NPHS1: variants seen among roughly 807,000 people sequenced by gnomAD.
The protein encoded by NPHS1 is nephrin.
In NPHS1, 107 loss-of-function variants were observed where a neutral mutation model predicts 139.7. That is an observed-to-expected ratio of 0.77 (90% CI 0.66 to 0.90). The LOEUF is 0.90. NPHS1 is among the 40% of genes least tolerant of loss of function. The probability of loss-of-function intolerance (pLI) is 0.00; values close to 1 mark genes in which losing one functional copy is unlikely to be tolerated. For synonymous variants in NPHS1, 707 were observed against 706.6 expected (o/e 1.00, Z -0.01); for missense variants, 1,580 against 1,654.2 (o/e 0.96, Z 0.78).
At position 35,831,499 on chromosome 19, in the gene NPHS1, GC is replaced by G; in HGVS notation, c.3287del (p.Gly1096AlafsTer47). The stretch of plus-strand genomic sequence containing the variant: ...ACCCTGCCTCTGTCTTCTCTGAGAT[GC>G]CTGAAGGAAACAGGAATAAAGGGCT... ...WQRRLRRLAEGISEKTEAGSE... is the reference protein window; with the variant it reads ...WQRRLRRLAEXISEKTEAGSE... On this transcript the variant is annotated frameshift_variant and splice_region_variant, in exon 25 of 29. Coordinates refer to ENST00000378910, the MANE Select transcript of NPHS1 (RefSeq NM_004646.4). LOFTEE classifies it high-confidence loss of function. 6.2e-7 allele frequency: 1 copy of G among 1,613,870 alleles called. No homozygotes were observed.
At chr19:35,836,764 G>T (rs554322981) in intron 22 of NPHS1, among the ~76,000 whole-genome samples, 2 of 152,092 alleles carry the variant, frequency 1.3e-5, no homozygotes, top group Admixed American at 6.6e-5. Context: ...AGAGACTGAG[G>T]CAGGTGGATC....
Position 35,835,293 on chromosome 19 carries a change from CTTTTTTTT to C in NPHS1, c.3166+404_3166+411del, listed in dbSNP as rs34868479. The stretch of plus-strand genomic sequence containing the variant: ...CAATTCTGCAGGGACAGAACTAAGT[CTTTTTTTT>C]TTTTTTTTTTTTTTTTGAGATAGGG... On this transcript the variant is annotated intron_variant, in intron 23 of 28. Transcript: ENST00000378910. Among the ~76,000 whole-genome samples, 5 of 38,096 alleles carry C rather than the reference CTTTTTTTT, an allele frequency of 1.3e-4. No individual in the cohort carries two copies. In the Admixed American group the frequency reaches 1.4e-3, roughly 11 times the overall value. The allele number at this position is 38,096 out of a possible 152,430, so 25.0% of individuals were successfully genotyped here.
At chr19:35,847,911 C>T in intron 11 of NPHS1, 130 bp downstream of exon 11, 1 of 986,152 alleles carries the variant, frequency 1.0e-6, no homozygotes, top group Non-Finnish European at 1.5e-6. Flanking sequence ...CCTGCCAAAC[C>T]TCAGAATCTT....
At chr19:35,835,842 C>T (rs2146812349) in intron 22 of NPHS1, 81 bp from the exon 23 acceptor site, 1 of 1,267,286 alleles carries the variant, frequency 7.9e-7, no homozygotes, top group Middle Eastern at 1.8e-4. Flanking sequence ...TCTTCTTAAG[C>T]CTATTAGATT....
chr19:35,848,484 G>A lies in NPHS1; in HGVS notation c.1171-87C>T, dbSNP rs1035096375. ...CTGAGTCCATCCCAGTCCCCAGCAG[G>A]GACACAGGAGACATCTCTACCTCCC... is the stretch of plus-strand genomic sequence containing the variant. On this transcript the variant is annotated intron_variant, in intron 9 of 28. Transcript: ENST00000378910. 13 of 1,598,948 alleles carry A rather than the reference G, an allele frequency of 8.1e-6. No individual in the cohort carries two copies. In the East Asian group the frequency reaches 1.8e-4, roughly 22 times the overall value.
chr19:35,850,841 C>A (rs1318329914), intron 4 of NPHS1, 120 bp downstream of exon 4: 2 of 1,302,512 alleles, frequency 1.5e-6, no homozygotes, highest in Non-Finnish European at 2.1e-6. Context: ...TCTCCTGGGT[C>A]CCCATCCCAG....
intron 8 of NPHS1, 82 bp downstream of exon 8, chr19:35,848,894 C>A: frequency 6.2e-7 from 1 of 1,610,808 alleles, no homozygotes; most frequent in Non-Finnish European, 8.5e-7. Flanking sequence ...TCTTTGGCAT[C>A]CAGTAGGCAT....
In NPHS1 at chr19:35,839,565, GT is replaced by G; in HGVS notation, c.2857del (p.Thr953ProfsTer48). The G allele has an allele frequency of 6.2e-7, 1 of 1,614,206 alleles. No individual in the cohort carries two copies. Among genetic ancestry groups the G allele is most frequent in the Non-Finnish European group, 8.5e-7 (1 of 1,180,040 alleles). On this transcript the variant is annotated frameshift_variant, in exon 21 of 29. Transcript: ENST00000378910. LOFTEE classifies it high-confidence loss of function. ...PPSGLKVVSLTPHSVGLEWKP... is the reference protein window; with the variant it reads ...PPSGLKVVSLXPHSVGLEWKP... ...CCACTCCAGCCCCACGGAGTGTGGG[GT>G]CAGACTCACAACCTTTAATCCTGAT...
At chr19:35,850,851 G>A in intron 4 of NPHS1, 110 bp downstream of exon 4, 3 of 1,404,760 alleles carry the variant, frequency 2.1e-6, no homozygotes, top group South Asian at 1.2e-5. Context: ...CCCCATCCCA[G>A]GGATGACATC....
Position 35,851,876 on chromosome 19 carries a change from C to T in NPHS1, c.-39G>A, listed in dbSNP as rs1316445029. 4 of 1,535,832 alleles carry T rather than the reference C, an allele frequency of 2.6e-6. No individual in the cohort carries two copies. In the South Asian group the frequency reaches 4.8e-5, roughly 18 times the overall value. Reference sequence around the variant, plus strand: ...ACTGTGACCCCCACAGCGCCCGCTGCCAGCCACCTGCGTCTGTCTGGCTTT... The same window carrying T: ...ACTGTGACCCCCACAGCGCCCGCTGTCAGCCACCTGCGTCTGTCTGGCTTT... On this transcript the variant is annotated 5_prime_UTR_variant, in exon 1 of 29. Transcript: ENST00000378910.
Position 35,851,681 on chromosome 19 carries a change from A to C in NPHS1, c.59-9T>G, listed in dbSNP as rs551940702. 1.4e-5 allele frequency: 22 copies of C among 1,609,478 alleles called. No homozygotes were observed. Among genetic ancestry groups the C allele is most frequent in the Non-Finnish European group, 1.7e-5 (20 of 1,177,870 alleles). On this transcript the variant is annotated splice_polypyrimidine_tract_variant and intron_variant, in intron 1 of 28. Coordinates refer to ENST00000378910, the MANE Select transcript of NPHS1 (RefSeq NM_004646.4). ...CGCCAACTGCGCCAGGCCTGAGGAC[A>C]CAGCGCGGTGCAAGGAAAGGGCAGA...
rs4806213 is a variant in NPHS1, at chr19:35,831,699, T to C, written c.3230A>G (p.Asn1077Ser). ...FALGGLLLLS[N>S]ASCVGGVLWQ... Reference sequence around the variant, plus strand: ...GAGGACCCCCCCGACACAGGAGGCATTGGAGAGGAGCAGAAGCCCCCCAAG... The same window carrying C: ...GAGGACCCCCCCGACACAGGAGGCACTGGAGAGGAGCAGAAGCCCCCCAAG... The change falls in exon 24 of 29, where the codon AAT becomes AGT. Residue 1077 changes from asparagine (N) to serine (S), a missense_variant. Coordinates refer to ENST00000378910, the MANE Select transcript of NPHS1 (RefSeq NM_004646.4). 162,151 of 1,602,890 alleles carry C rather than the reference T, an allele frequency of 0.1. 8,826 individuals are homozygous for C. The highest frequency in any genetic ancestry group is 0.13 in the African/African-American group (9,694 of 74,358).
At chr19:35,850,544 T>A in intron 4 of NPHS1, 99 bp from the exon 5 acceptor site, 6 of 985,326 alleles carry the variant, frequency 6.1e-6, no homozygotes, top group Non-Finnish European at 9.7e-6. Flanking sequence ...CGATGCCCCC[T>A]CCCTCCTCGT....
At position 35,826,008 on chromosome 19, in the gene NPHS1, T is replaced by G. The variant is rs1972796408; in HGVS notation, c.*506A>C. On this transcript the variant is annotated 3_prime_UTR_variant, in exon 29 of 29. Transcript: ENST00000378910. ...TCGCCCAGGCTGGAGTGCAGTGGCG[T>G]GATCTCAGCTCACTGCAACCTCCGC... 6.3e-6 allele frequency: 1 copy of G among 158,350 alleles called. No homozygotes were observed. The highest frequency in any genetic ancestry group is 1.8e-4 in the South Asian group (1 of 5,440). 9.8% of individuals were successfully genotyped at this position (158,350 alleles called of 1,614,324 possible).
rs1039135548 is a variant in NPHS1, at chr19:35,846,210, G to A, written c.1441-16C>T. ...TGCGCGAGTCCTACGGGCCGGGAGTGACTGGGGTTCGCAGGCAGCCCTGCC... is the reference window on the plus strand; with the variant it reads ...TGCGCGAGTCCTACGGGCCGGGAGTAACTGGGGTTCGCAGGCAGCCCTGCC... On this transcript the variant is annotated splice_polypyrimidine_tract_variant and intron_variant, in intron 11 of 28. Transcript: ENST00000378910. The A allele has an allele frequency of 6.4e-6, 10 of 1,571,144 alleles. No homozygotes were observed. Among genetic ancestry groups the A allele is most frequent in the Non-Finnish European group, 8.6e-6 (10 of 1,162,606 alleles).
At chr19:35,839,456 C>T in intron 21 of NPHS1, 38 bp from the exon 22 acceptor site, 1 of 1,611,936 alleles carries the variant, frequency 6.2e-7, no homozygotes, top group Non-Finnish European at 8.5e-7. Flanking sequence ...GGGAAGTGCC[C>T]TAGCCCATTC....
chr19:35,837,087 A>G (rs1423261856), intron 22 of NPHS1, among the ~76,000 whole-genome samples: 2 of 151,928 alleles, frequency 1.3e-5, no homozygotes, highest in Non-Finnish European at 2.9e-5. Flanking sequence ...AAACTGAGCC[A>G]CAAAGATCTG....
intron 17 of NPHS1, among the ~76,000 whole-genome samples, chr19:35,843,206 C>A (rs1973085795): frequency 6.6e-6 from 1 of 152,150 alleles, no homozygotes; most frequent in Non-Finnish European, 1.5e-5. Context: ...GTTCCTCCAT[C>A]CACTCACTCA....
chr19:35,842,143 G>T lies in NPHS1; in HGVS notation c.2644C>A (p.Leu882Met). 1 of 1,606,548 alleles carries T rather than the reference G, an allele frequency of 6.2e-7. No individual in the cohort carries two copies. The highest frequency in any genetic ancestry group is 2.2e-5 in the East Asian group (1 of 44,694). ...GCTCACCTGGGATCTTGGAGATCCA[G>T]AGGGACCCCGTTTTTTGTCCAAGTG... Reference protein sequence around the residue: ...VFTWTKNGVPLDLQDPRYTEH... With the variant: ...VFTWTKNGVPMDLQDPRYTEH... Residue 882 changes from leucine (L) to methionine (M), a missense_variant, in exon 19 of 29, where the codon CTG (leucine) becomes ATG (methionine). By Grantham distance (15) the Leu-to-Met change is conservative (BLOSUM62 2). Transcript: ENST00000378910.
Sources: allele counts gnomAD v4.1 joint callset (sites outside exome capture counted in the v4.1 genomes callset), GRCh38; gene constraint gnomAD v4.1.1; transcripts MANE v1.5; gene names NCBI Gene and HGNC (gene_info 2026-07-23, HGNC 2026-07-21).